IL1RAPL2: variants seen among roughly 807,000 people sequenced by gnomAD.
IL1RAPL2 encodes the protein X-linked interleukin-1 receptor accessory protein-like 2.
A neutral mutation model predicts 44.1 loss-of-function variants in IL1RAPL2; 3 were observed. The ratio of observed to expected loss-of-function variants is 0.07; its 90% CI spans 0.03 to 0.18. The LOEUF (loss-of-function observed/expected upper bound fraction) is 0.18. Among genes scored for constraint, IL1RAPL2 ranks in the 10% least tolerant of loss-of-function variants. The pLI, the probability that IL1RAPL2 is intolerant of heterozygous loss-of-function variation, is 1.00. For synonymous variants in IL1RAPL2, 181 were observed against 178.8 expected, an observed-to-expected ratio of 1.01 and a Z score of -0.10; for missense variants, 391 against 496.4, an observed-to-expected ratio of 0.79 and a Z score of 2.02.
intron 5 of IL1RAPL2, among the ~76,000 whole-genome samples, chrX:105,295,295 G>C (rs2147671368): frequency 9.0e-6 from 1 of 111,668 alleles, no homozygotes; most frequent in African/African-American, 3.2e-5. Flanking sequence ...TTGGTGGCAG[G>C]GTGACTAGAC....
At chrX:105,648,143 A>C (rs771082091) in intron 6 of IL1RAPL2, among the ~76,000 whole-genome samples, 30 of 112,187 alleles carry the variant, frequency 2.7e-4, no homozygotes, top group Non-Finnish European at 4.7e-4. Context: ...ATTAATGAGA[A>C]GATAACTGTC....
intron 3 of IL1RAPL2, chrX:105,219,725 C>T: frequency 1.7e-6 from 2 of 1,206,445 alleles, no homozygotes; most frequent in Non-Finnish European, 2.2e-6. Context: ...GGCCACCCTG[C>T]CCCCTGCTCC....
chrX:104,648,309 T>C (rs1930085794), intron 1 of IL1RAPL2, among the ~76,000 whole-genome samples: 1 of 112,286 alleles, frequency 8.9e-6, no homozygotes, highest in African/African-American at 3.2e-5. Context: ...ATTTTCACCA[T>C]CACAATGCAT....
chrX:105,394,622 C>A lies in IL1RAPL2; in HGVS notation c.698-89691C>A, dbSNP rs181517239. Among the ~76,000 whole-genome samples the A allele has an allele frequency of 5.4e-5, 6 of 111,155 alleles. No homozygotes were observed. The Admixed American group carries it at 5.8e-4, about 11-fold the overall frequency. ...AAAACTCTCCTTCTTTCATCAGGAA[C>A]CTGTAAAGGATCTCTATTGTTTACC... On this transcript the variant is annotated intron_variant, in intron 5 of 10. Transcript: ENST00000372582.
chrX:104,667,641 T>A (rs5962441), intron 2 of IL1RAPL2, among the ~76,000 whole-genome samples: 18,823 of 110,842 alleles, frequency 0.17, 3,972 homozygotes, highest in African/African-American at 0.59. Context: ...CTGCTCTTAA[T>A]CACTCGTCCA....
At chrX:105,436,159 A>G (rs1181662376) in intron 5 of IL1RAPL2, among the ~76,000 whole-genome samples, 1 of 111,373 alleles carries the variant, frequency 9.0e-6, no homozygotes, top group African/African-American at 3.3e-5. Flanking sequence ...AAAGTTACAT[A>G]CTTTATTTTT....
At chrX:105,174,777 C>T (rs1300543815) in intron 2 of IL1RAPL2, among the ~76,000 whole-genome samples, 1 of 111,674 alleles carries the variant, frequency 9.0e-6, no homozygotes, top group Non-Finnish European at 1.9e-5. Context: ...GAGTCCCGAA[C>T]ATCAGCACCT....
chrX:105,171,854 C>G (rs1292580006), intron 2 of IL1RAPL2, among the ~76,000 whole-genome samples: 1 of 111,947 alleles, frequency 8.9e-6, no homozygotes, highest in Non-Finnish European at 1.9e-5. Context: ...GAGACTAGTG[C>G]TGGTGGAACA....
intron 1 of IL1RAPL2, among the ~76,000 whole-genome samples, chrX:104,645,155 A>T (rs1245603823): frequency 1.8e-5 from 2 of 111,050 alleles, no homozygotes; most frequent in Non-Finnish European, 3.8e-5. Flanking sequence ...TCAGTACTTT[A>T]TCCTTCGCTA....
Position 104,781,624 on chromosome X carries a change from C to T in IL1RAPL2, c.82+122629C>T. Among the ~76,000 whole-genome samples, 4 of 111,695 alleles carry T rather than the reference C, an allele frequency of 3.6e-5. No homozygotes were observed. The Middle Eastern group carries it at 0.018, about 512-fold the overall frequency. ...CTGGATCACTGTTGCATCTGCATTC[C>T]AGCCCATGGGAAGGAAAGAAGAAAG... On this transcript the variant is annotated intron_variant, in intron 2 of 10. Coordinates refer to ENST00000372582, the MANE Select transcript of IL1RAPL2 (RefSeq NM_017416.2).
At chrX:105,564,818 T>C (rs1397081401) in intron 6 of IL1RAPL2, among the ~76,000 whole-genome samples, 1 of 112,057 alleles carries the variant, frequency 8.9e-6, no homozygotes, top group Non-Finnish European at 1.9e-5. Context: ...ACCCCATGCC[T>C]GCTCTGCCTT....
chrX:105,614,729 A>G (rs1161651135), intron 6 of IL1RAPL2, among the ~76,000 whole-genome samples: 1 of 112,137 alleles, frequency 8.9e-6, no homozygotes, highest in Non-Finnish European at 1.9e-5. Context: ...TAAAACTACT[A>G]AAAGGAAACA....
At chrX:105,748,491 G>C (rs558962247) in intron 8 of IL1RAPL2, among the ~76,000 whole-genome samples, 29 of 112,412 alleles carry the variant, frequency 2.6e-4, no homozygotes, top group African/African-American at 8.7e-4. Flanking sequence ...AAACTCATTA[G>C]ATTTTATTTG....
intron 2 of IL1RAPL2, among the ~76,000 whole-genome samples, chrX:104,940,109 T>C (rs1453624776): frequency 8.9e-6 from 1 of 111,952 alleles, no homozygotes; most frequent in Non-Finnish European, 1.9e-5. Flanking sequence ...AGTATGTGAA[T>C]TATATCTCAA....
At chrX:104,677,143 A>G (rs985323650) in intron 2 of IL1RAPL2, among the ~76,000 whole-genome samples, 42 of 111,877 alleles carry the variant, frequency 3.8e-4, no homozygotes, top group Non-Finnish European at 9.4e-5. Flanking sequence ...CTGGTGAGGA[A>G]TTGCGTTCCT....
intron 4 of IL1RAPL2, among the ~76,000 whole-genome samples, chrX:105,242,598 A>G (rs2034180517): frequency 8.9e-6 from 1 of 112,048 alleles, no homozygotes; most frequent in South Asian, 3.7e-4. Context: ...GACAACTGTT[A>G]GGTGGAACCA....
At chrX:104,954,969 A>T (rs1925676353) in intron 2 of IL1RAPL2, among the ~76,000 whole-genome samples, 1 of 113,012 alleles carries the variant, frequency 8.8e-6, no homozygotes, top group Non-Finnish European at 1.9e-5. Flanking sequence ...TGAGAATAGT[A>T]GCTCAGGGGC....
intron 2 of IL1RAPL2, among the ~76,000 whole-genome samples, chrX:104,772,037 C>G (rs1932648966): frequency 9.0e-6 from 1 of 111,289 alleles, no homozygotes; most frequent in African/African-American, 3.3e-5. Context: ...CTTTGTGTGA[C>G]CCTAGAAGAG....
intron 4 of IL1RAPL2, among the ~76,000 whole-genome samples, chrX:105,266,529 T>A (rs915581156): frequency 1.8e-5 from 2 of 111,992 alleles, no homozygotes; most frequent in Non-Finnish European, 3.8e-5. Flanking sequence ...ATTGCCTGAA[T>A]ATTCTTACAT....
Sources: gnomAD v4.1 joint callset for allele counts (sites outside exome capture counted in the v4.1 genomes callset) on GRCh38, gnomAD v4.1.1 for gene constraint, MANE v1.5 for transcripts, NCBI Gene and HGNC (gene_info 2026-07-23, HGNC 2026-07-21) for gene names.